The following RHOA variants were observed in gnomAD, a reference collection of about 807,000 sequenced individuals.
RHOA encodes the protein ras homolog family member A, also known as transforming protein RhoA.
In RHOA, 3 loss-of-function variants were observed where a neutral mutation model predicts 17.5. The observed-to-expected ratio is 0.17, with a 90% CI of 0.08 to 0.44. The LOEUF is 0.44. Among genes scored for constraint, RHOA ranks in the 20% least tolerant of loss-of-function variants. The pLI is 0.99. For synonymous variants in RHOA, 98 were observed against 88.4 expected (o/e 1.11, Z -0.61); for missense variants, 56 against 242.3 (o/e 0.23, Z 5.10).
At chr3:49,360,681 G>A (rs1046558204) in intron 4 of RHOA, among the ~76,000 whole-genome samples, 27 of 151,272 alleles carry the variant, frequency 1.8e-4, no homozygotes, top group Non-Finnish European at 2.8e-4. Context: ...GGCTGGTCTC[G>A]AACTCCTGAC....
chr3:49,387,733 C>T (rs1444270722), intron 1 of RHOA, among the ~76,000 whole-genome samples: 1 of 138,034 alleles, frequency 7.2e-6, no homozygotes, highest in Middle Eastern at 3.6e-3. Context: ...AGCGAGACTC[C>T]AGGTCTCAAA....
Position 49,360,305 on chromosome 3 carries a change from C to T in RHOA, c.486G>A (p.Lys162=). The stretch of plus-strand genomic sequence containing the variant: ...AAACCTCTCTCACTCCATCTTTGGT[C>T]TTTGCTGAACACTCCATGTACCCAA... The part of the protein sequence containing the change: ...GAFGYMECSA[K]TKDGVREVFE... Residue 162 remains lysine (K), a synonymous_variant, in exon 5 of 5, where the codon AAG becomes AAA. Coordinates refer to ENST00000418115, the MANE Select transcript of RHOA (RefSeq NM_001664.4). 1 of 1,614,114 alleles carries T rather than the reference C, an allele frequency of 6.2e-7. No homozygotes were observed. Among genetic ancestry groups the T allele is most frequent in the Non-Finnish European group, 8.5e-7 (1 of 1,180,024 alleles).
intron 3 of RHOA, among the ~76,000 whole-genome samples, chr3:49,368,171 C>G (rs920391644): frequency 2.0e-5 from 3 of 152,106 alleles, no homozygotes; most frequent in African/African-American, 7.2e-5. Flanking sequence ...TCTGGACCTC[C>G]CAAAGCGCAG....
intron 1 of RHOA, among the ~76,000 whole-genome samples, chr3:49,406,096 C>CAA (rs1218178277): frequency 6.6e-6 from 1 of 151,976 alleles, no homozygotes; most frequent in Non-Finnish European, 1.5e-5. Flanking sequence ...TCCACACACA[C>CAA]AAAAAAACAG....
chr3:49,374,007 A>C (rs910660865), intron 2 of RHOA, among the ~76,000 whole-genome samples: 4 of 152,176 alleles, frequency 2.6e-5, no homozygotes, highest in African/African-American at 9.7e-5. Flanking sequence ...CTCACCATCA[A>C]TGACAATAAA....
chr3:49,408,675 C>G (rs569325238), intron 1 of RHOA, among the ~76,000 whole-genome samples: 4 of 150,634 alleles, frequency 2.7e-5, no homozygotes, highest in Non-Finnish European at 5.9e-5. Context: ...TATAGCAAGG[C>G]ATGTAACATT....
intron 1 of RHOA, among the ~76,000 whole-genome samples, chr3:49,399,765 T>A (rs2048691230): frequency 6.6e-6 from 1 of 152,098 alleles, no homozygotes; most frequent in Non-Finnish European, 1.5e-5. Context: ...CCATATATCC[T>A]TTTGCACTGT....
At chr3:49,377,330 C>T (rs543256543) in intron 1 of RHOA, among the ~76,000 whole-genome samples, 3 of 152,170 alleles carry the variant, frequency 2.0e-5, no homozygotes, top group African/African-American at 7.2e-5. Flanking sequence ...CAGTGGCTCA[C>T]GCCTATAATC....
chr3:49,361,788 GGAGAATCACTTAAACCTT>G (rs1449711575), intron 4 of RHOA, among the ~76,000 whole-genome samples: 18 of 152,334 alleles, frequency 1.2e-4, no homozygotes, highest in African/African-American at 4.3e-4. Flanking sequence ...GGCTGAGGCA[GGAGAATCACTTAAACCTT>G]GGAGGCTGAG....
At chr3:49,395,213 G>A (rs1002898299) in intron 1 of RHOA, among the ~76,000 whole-genome samples, 11 of 149,252 alleles carry the variant, frequency 7.4e-5, no homozygotes, top group Non-Finnish European at 1.5e-4. Flanking sequence ...ATCGCACCAC[G>A]GCACTCCAGC....
intron 1 of RHOA, among the ~76,000 whole-genome samples, chr3:49,410,574 T>C (rs548915859): frequency 6.6e-6 from 1 of 152,330 alleles, no homozygotes; most frequent in African/African-American, 2.4e-5. Flanking sequence ...TTCTTTACAA[T>C]TAAAAACTAG....
At chr3:49,364,559 G>A (rs1446395212) in intron 3 of RHOA, among the ~76,000 whole-genome samples, 1 of 152,106 alleles carries the variant, frequency 6.6e-6, no homozygotes, top group East Asian at 1.9e-4. Flanking sequence ...TACTAGGGAG[G>A]CTGAGGCAGG....
At chr3:49,367,199 C>T (rs763808521) in intron 3 of RHOA, among the ~76,000 whole-genome samples, 2 of 151,498 alleles carry the variant, frequency 1.3e-5, no homozygotes, top group Admixed American at 6.6e-5. Context: ...AAAAATTAGC[C>T]GGGCGTGGTG....
intron 1 of RHOA, among the ~76,000 whole-genome samples, chr3:49,394,811 G>A (rs1575671555): frequency 6.6e-6 from 1 of 152,196 alleles, no homozygotes; most frequent in Non-Finnish European, 1.5e-5. Context: ...GATTCTGCCA[G>A]AGAGCTTCAG....
At chr3:49,395,092 A>AG in intron 1 of RHOA, among the ~76,000 whole-genome samples, 1 of 132,794 alleles carries the variant, frequency 7.5e-6, no homozygotes, top group Non-Finnish European at 1.7e-5. Flanking sequence ...TACTAAAAAT[A>AG]CAAAAAAAAA....
intron 3 of RHOA, among the ~76,000 whole-genome samples, chr3:49,366,341 A>T (rs1448961510): frequency 1.3e-5 from 2 of 152,166 alleles, no homozygotes; most frequent in African/African-American, 2.4e-5. Context: ...GGTGGCTCAC[A>T]CCTGTAATCC....
intron 1 of RHOA, among the ~76,000 whole-genome samples, chr3:49,386,048 G>T (rs1046732042): frequency 3.3e-5 from 5 of 152,014 alleles, no homozygotes; most frequent in African/African-American, 9.7e-5. Flanking sequence ...GATTATTTTG[G>T]TTATTCTGGG....
At chr3:49,374,733 C>T (rs6769940) in intron 2 of RHOA, among the ~76,000 whole-genome samples, 2 of 148,540 alleles carry the variant, frequency 1.3e-5, no homozygotes, top group Admixed American at 6.7e-5. Context: ...AACAACAAAA[C>T]AAAACAAAAA....
chr3:49,377,013 A>G (rs774592509), intron 1 of RHOA, among the ~76,000 whole-genome samples: 23 of 152,174 alleles, frequency 1.5e-4, no homozygotes, highest in Non-Finnish European at 2.6e-4. Context: ...CTATAATCCT[A>G]GCTACACAGG....
Sources: allele counts gnomAD v4.1 joint callset (sites outside exome capture counted in the v4.1 genomes callset), GRCh38; gene constraint gnomAD v4.1.1; transcripts MANE v1.5; gene names NCBI Gene and HGNC (gene_info 2026-07-23, HGNC 2026-07-21).